TMEM132B: variants seen among roughly 807,000 people sequenced by gnomAD.
TMEM132B encodes the protein transmembrane protein 132B.
TMEM132B carries 18 observed loss-of-function variants against 90.8 expected under a neutral mutation model. The ratio of observed to expected loss-of-function variants is 0.20; its 90% CI spans 0.14 to 0.29. The LOEUF is 0.29. Ranked by LOEUF, TMEM132B falls within the 10% of genes least tolerant of loss-of-function variation. The pLI is 1.00. For missense variants in TMEM132B, 1,096 were observed against 1,326.8 expected, an observed-to-expected ratio of 0.83 and a Z score of 2.70; for synonymous variants, 504 against 523.3, an observed-to-expected ratio of 0.96 and a Z score of 0.50.
intron 2 of TMEM132B, among the ~76,000 whole-genome samples, chr12:125,391,866 G>C (rs1011936320): frequency 9.9e-5 from 15 of 152,004 alleles, no homozygotes; most frequent in African/African-American, 3.6e-4. Context: ...TCCTGGGCTC[G>C]TCTGGTCCTG....
At chr12:125,219,123 T>G (rs1478161409) in intron 1 of TMEM132B, among the ~76,000 whole-genome samples, 1 of 152,202 alleles carries the variant, frequency 6.6e-6, no homozygotes, top group Non-Finnish European at 1.5e-5. Context: ...CAAGATATAT[T>G]GCTGGAGTGT....
chr12:125,274,808 G>A (rs1874943859), intron 1 of TMEM132B, among the ~76,000 whole-genome samples: 1 of 151,978 alleles, frequency 6.6e-6, no homozygotes, highest in Non-Finnish European at 1.5e-5. Flanking sequence ...AAATGCCCAC[G>A]GCCTCTCATT....
chr12:125,571,988 T>G (rs1200470845), intron 4 of TMEM132B, among the ~76,000 whole-genome samples: 1 of 152,248 alleles, frequency 6.6e-6, no homozygotes, highest in Non-Finnish European at 1.5e-5. Context: ...ATTTGTTGTG[T>G]CCTTTAATCT....
At chr12:125,538,962 G>A (rs957324341) in intron 4 of TMEM132B, among the ~76,000 whole-genome samples, 11 of 152,172 alleles carry the variant, frequency 7.2e-5, no homozygotes, top group Admixed American at 2.6e-4. Context: ...CATTCACTCC[G>A]TCTCCACTGC....
chr12:125,646,122 G>A (rs927057817), intron 6 of TMEM132B, among the ~76,000 whole-genome samples: 1 of 152,192 alleles, frequency 6.6e-6, no homozygotes, highest in African/African-American at 2.4e-5. Context: ...GAGGGTTCAG[G>A]GGGAGGTGAG....
chr12:125,261,073 C>T (rs1031064039), intron 1 of TMEM132B, among the ~76,000 whole-genome samples: 2 of 152,186 alleles, frequency 1.3e-5, no homozygotes, highest in Non-Finnish European at 2.9e-5. Flanking sequence ...TTTACATTGG[C>T]TGAATAGCGT....
intron 5 of TMEM132B, chr12:125,584,597 C>T (rs924702258): frequency 6.6e-6 from 1 of 152,658 alleles, no homozygotes; most frequent in Non-Finnish European, 1.5e-5. Flanking sequence ...CACCCATGTG[C>T]CACCTAACTG....
At chr12:125,604,662 A>G (rs1885650051) in intron 5 of TMEM132B, among the ~76,000 whole-genome samples, 2 of 152,236 alleles carry the variant, frequency 1.3e-5, no homozygotes, top group South Asian at 4.1e-4. Flanking sequence ...TGTTTCCACA[A>G]GGTGCAATAT....
chr12:125,612,364 G>A (rs1226472848), intron 5 of TMEM132B, among the ~76,000 whole-genome samples: 1 of 151,748 alleles, frequency 6.6e-6, no homozygotes, highest in Middle Eastern at 3.2e-3. Flanking sequence ...TCAGGAGGCT[G>A]AGGCAGGAGA....
chr12:125,222,260 C>T (rs1873576080), intron 1 of TMEM132B, among the ~76,000 whole-genome samples: 1 of 152,158 alleles, frequency 6.6e-6, no homozygotes, highest in South Asian at 2.1e-4. Flanking sequence ...ATTTTTATCT[C>T]TGTTTTCTTC....
chr12:125,186,584 C>A lies in TMEM132B; in HGVS notation c.-216C>A, dbSNP rs2136043135. On this transcript the variant is annotated 5_prime_UTR_variant, in exon 1 of 9. Transcript: ENST00000682704. This position sits in a 1 kb window ranked among gnomAD's most constrained non-coding sequence, Gnocchi z 6.3. Reference sequence around the variant, plus strand: ...GCTGAGCCTCGGCCGCCCCAGCTCCCCAGCCACGCACGGCCGAGCCCAGGA... The same window carrying A: ...GCTGAGCCTCGGCCGCCCCAGCTCCACAGCCACGCACGGCCGAGCCCAGGA... Among the ~76,000 whole-genome samples the A allele has an allele frequency of 6.8e-6, 1 of 146,938 alleles. No individual in the cohort carries two copies. Among genetic ancestry groups the A allele is most frequent in the Admixed American group, 6.8e-5 (1 of 14,794 alleles).
chr12:125,455,611 T>C (rs1318242518), intron 3 of TMEM132B, among the ~76,000 whole-genome samples: 2 of 152,170 alleles, frequency 1.3e-5, no homozygotes, highest in African/African-American at 2.4e-5. Context: ...GAAAAGGTTG[T>C]TGGACCAGAT....
At chr12:125,500,209 G>T (rs1882662940) in intron 3 of TMEM132B, among the ~76,000 whole-genome samples, 1 of 152,172 alleles carries the variant, frequency 6.6e-6, no homozygotes, top group Non-Finnish European at 1.5e-5. Flanking sequence ...AGCCTCTTTG[G>T]TTCTCAAACA....
chr12:125,456,068 C>G lies in TMEM132B; in HGVS notation c.1106+40391C>G, dbSNP rs542199649. Among the ~76,000 whole-genome samples the G allele has an allele frequency of 6.6e-5, 10 of 152,298 alleles. No homozygotes were observed. The East Asian group carries it at 9.6e-4, about 15-fold the overall frequency. On this transcript the variant is annotated intron_variant, in intron 3 of 8. Coordinates refer to ENST00000682704, the MANE Select transcript of TMEM132B (RefSeq NM_001366854.1). ...TTTAATAACATTTTAGTTACAAAAA[C>G]AAGTGGCAGGCCGAATTTGGCCCAT... is the stretch of plus-strand genomic sequence containing the variant.
intron 4 of TMEM132B, among the ~76,000 whole-genome samples, chr12:125,533,890 TG>T (rs1883718979): frequency 1.3e-5 from 2 of 152,374 alleles, no homozygotes; most frequent in African/African-American, 4.8e-5. Flanking sequence ...TTTAAGATGA[TG>T]CATGCTCATT....
At chr12:125,543,465 G>T (rs1284625158) in intron 4 of TMEM132B, among the ~76,000 whole-genome samples, 1 of 152,172 alleles carries the variant, frequency 6.6e-6, no homozygotes, top group Non-Finnish European at 1.5e-5. Flanking sequence ...GATATGAATA[G>T]GTATATGCAA....
Position 125,489,383 on chromosome 12 carries a change from CT to C in TMEM132B, c.1107-30054del, listed in dbSNP as rs917915099. On this transcript the variant is annotated intron_variant, in intron 3 of 8. Transcript: ENST00000682704. ...TTTAATTATTATTTAAAAATTTTTA[CT>C]TATTTATTTTAGTTTTTTTTAAAAA... is the stretch of plus-strand genomic sequence containing the variant. Among the ~76,000 whole-genome samples, 388 of 151,798 alleles carry C rather than the reference CT, an allele frequency of 2.6e-3. 2 individuals carry two copies. Among genetic ancestry groups the C allele is most frequent in the African/African-American group, 8.8e-3 (365 of 41,468 alleles).
chr12:125,318,449 T>C (rs1348632194), intron 1 of TMEM132B, among the ~76,000 whole-genome samples: 1 of 152,160 alleles, frequency 6.6e-6, no homozygotes, highest in Non-Finnish European at 1.5e-5. Flanking sequence ...GTTTGCTGCA[T>C]CTGTCAGCCC....
At chr12:125,274,537 C>T (rs183472190) in intron 1 of TMEM132B, among the ~76,000 whole-genome samples, 7 of 152,348 alleles carry the variant, frequency 4.6e-5, no homozygotes, top group Admixed American at 4.6e-4. Context: ...GTTGTTAATG[C>T]TCATTGTCAA....
Sources: gnomAD v4.1 joint callset for allele counts (sites outside exome capture counted in the v4.1 genomes callset) on GRCh38, gnomAD v4.1.1 for gene constraint, Gnocchi (gnomAD v3.1) non-coding constraint, MANE v1.5 for transcripts, NCBI Gene and HGNC (gene_info 2026-07-23, HGNC 2026-07-21) for gene names.